JCAD: variants seen among roughly 807,000 people sequenced by gnomAD.
The protein encoded by JCAD is junctional cadherin 5 associated.
A neutral mutation model predicts 98.0 loss-of-function variants in JCAD; 40 were observed. That is an observed-to-expected ratio of 0.41 (90% CI 0.32 to 0.53). The LOEUF (loss-of-function observed/expected upper bound fraction) is 0.53, where lower values mean the gene tolerates loss of function less well. JCAD is among the 20% of genes least tolerant of loss of function. The pLI, the probability that JCAD is intolerant of heterozygous loss-of-function variation, is 0.31. For synonymous variants in JCAD, 691 were observed against 682.3 expected (o/e 1.01, Z -0.20); for missense variants, 1,705 against 1,738.1 (o/e 0.98, Z 0.34).
chr10:30,028,284 G>C lies in JCAD; in HGVS notation c.1864C>G (p.Gln622Glu), dbSNP rs754387196. The part of the protein sequence containing the change: ...GSDKSPALQE[Q>E]SLLSMSSTDL... The stretch of plus-strand genomic sequence containing the variant: ...GTGGAAGACATGCTCAGCAGACTCT[G>C]TTCTTGCAGAGCCGGGCTCTTATCA... The change falls in exon 3 of 4, where the codon CAG becomes GAG. Residue 622 changes from glutamine (Q) to glutamate (E), a missense_variant. Gln to Glu is a conservative substitution (Grantham distance 29, BLOSUM62 2). This residue lies in a region of JCAD where 1,278 missense variants were observed against 1,243.1 expected (regional missense o/e 1.03). Transcript: ENST00000375377. The C allele has an allele frequency of 1.9e-6, 3 of 1,614,240 alleles. No homozygotes were observed. The East Asian group carries it at 6.7e-5, about 36-fold the overall frequency.
intron 2 of JCAD, chr10:30,044,656 C>T: frequency 4.8e-6 from 1 of 207,564 alleles, no homozygotes; most frequent in Non-Finnish European, 8.1e-6. Flanking sequence ...TCAGAATTCA[C>T]ATAAGCCATA....
chr10:30,047,804 A>T lies in JCAD; in HGVS notation c.9T>A (p.Ser3Arg), dbSNP rs1214185944. 6.2e-7 allele frequency: 1 copy of T among 1,610,412 alleles called. No homozygotes were observed. Among genetic ancestry groups the T allele is most frequent in the East Asian group, 2.2e-5 (1 of 44,812 alleles). Residue 3 changes from serine to arginine, a missense_variant, in exon 2 of 4, where the codon AGT becomes AGA. This residue lies in a region of JCAD where 152 missense variants were observed against 148.0 expected (regional missense o/e 1.03). Coordinates refer to ENST00000375377, the MANE Select transcript of JCAD (RefSeq NM_020848.4). ...CATGAGAGATCAGGAGGTCTTCTAC[A>T]CTGTACATGATGCCTGGGCTTCAGC... MYSVEDLLISHGY... is the reference protein window; with the variant it reads MYRVEDLLISHGY...
intron 2 of JCAD, among the ~76,000 whole-genome samples, chr10:30,031,928 G>T (rs1198101390): frequency 6.6e-6 from 1 of 150,384 alleles, no homozygotes; most frequent in African/African-American, 2.5e-5. Context: ...CTAATTTTTT[G>T]TATTTTTAGT....
chr10:30,071,200 C>G (rs1255119474), intron 1 of JCAD, among the ~76,000 whole-genome samples: 1 of 152,188 alleles, frequency 6.6e-6, no homozygotes, highest in Non-Finnish European at 1.5e-5. Context: ...CCACCACGCC[C>G]CAGCCTAAAG....
At chr10:30,115,200 C>G (rs189587606) in intron 1 of JCAD, among the ~76,000 whole-genome samples, 373 of 152,318 alleles carry the variant, frequency 2.4e-3, no homozygotes, top group Non-Finnish European at 3.8e-3. Flanking sequence ...AGCTCTCTCT[C>G]CAGGAGATCC....
chr10:30,080,568 C>T (rs1444578932), intron 1 of JCAD, among the ~76,000 whole-genome samples: 1 of 152,200 alleles, frequency 6.6e-6, no homozygotes, highest in African/African-American at 2.4e-5. Context: ...ATTGACAAAC[C>T]TATGTTCAAG....
intron 1 of JCAD, among the ~76,000 whole-genome samples, chr10:30,050,336 A>G (rs12241608): frequency 0.019 from 2,900 of 149,424 alleles, 103 homozygotes; most frequent in African/African-American, 0.069. Context: ...AAAAAAAAAA[A>G]AAAAAAGAAA....
rs751508598 is a variant in JCAD at position 30,029,550 on chromosome 10, A to C, written c.598T>G (p.Ser200Ala). Residue 200 changes from serine to alanine, a missense_variant, in exon 3 of 4, where the codon TCT becomes GCT. Transcript: ENST00000375377. ...NQPRKLGRQM[S>A]DGDGERLFQD... ...AACAGTCTCTCCCCATCTCCATCAG[A>C]CATCTGCCTCCCTAATTTCCTTGGC... is the stretch of plus-strand genomic sequence containing the variant. The C allele has an allele frequency of 1.2e-6, 2 of 1,614,202 alleles. No homozygotes were observed. The highest frequency in any genetic ancestry group is 4.5e-5 in the East Asian group (2 of 44,890).
chr10:30,111,508 T>G (rs1460516729), intron 1 of JCAD, among the ~76,000 whole-genome samples: 2 of 152,166 alleles, frequency 1.3e-5, no homozygotes, highest in African/African-American at 4.8e-5. Flanking sequence ...TGAGATGCAA[T>G]AGTAGACAGA....
upstream of JCAD, among the ~76,000 whole-genome samples, chr10:30,062,954 A>G (rs981635445): frequency 8.5e-5 from 13 of 152,176 alleles, no homozygotes; most frequent in African/African-American, 3.1e-4. Flanking sequence ...GTAGGAAGAT[A>G]ATAAAGATAA....
At chr10:30,048,217 G>A (rs556033519) in intron 1 of JCAD, among the ~76,000 whole-genome samples, 4 of 152,238 alleles carry the variant, frequency 2.6e-5, no homozygotes, top group South Asian at 4.2e-4. Context: ...AACAGCAGGC[G>A]GAAGGAGTGC....
chr10:30,069,200 C>T (rs541202850), intron 2 of JCAD, among the ~76,000 whole-genome samples: 4 of 152,042 alleles, frequency 2.6e-5, no homozygotes, highest in Admixed American at 6.6e-5. Context: ...TGGAAATGGT[C>T]GCTTCGGCTC....
rs1244011700 is a variant in JCAD at position 30,015,917 on chromosome 10, A to AT, written c.*1965dup. 2 of 152,198 alleles carry AT rather than the reference A, an allele frequency of 1.3e-5. No homozygotes were observed. The highest frequency in any genetic ancestry group is 4.8e-5 in the African/African-American group (2 of 41,456). 9.4% of individuals were successfully genotyped at this position (152,198 alleles called of 1,614,324 possible). On this transcript the variant is annotated 3_prime_UTR_variant, in exon 4 of 4. Transcript: ENST00000375377. ...TTGGTACTACCAGGTGACTTCAATG[A>AT]TTCACCAGCTACAACAGTGTCTGAA...
rs1177691710 is a variant in JCAD at position 30,031,750 on chromosome 10, A to ATTT, written c.282-1887_282-1885dup. ...AGCCACTGCGCCCAGCCCCATCTGT[A>ATTT]TTTTTTTTTTTTTTTTTTTTTTGAG... is the stretch of plus-strand genomic sequence containing the variant. On this transcript the variant is annotated intron_variant, in intron 2 of 3. Transcript: ENST00000375377. Among the ~76,000 whole-genome samples, 614 of 63,296 alleles carry ATTT rather than the reference A, an allele frequency of 9.7e-3. 32 individuals are homozygous for ATTT. The highest frequency in any genetic ancestry group is 0.029 in the African/African-American group (419 of 14,268). 41.5% of individuals were successfully genotyped at this position (63,296 alleles called of 152,430 possible). A position where few individuals can be genotyped will look rare whatever the true frequency, so the allele number is the denominator to read the frequency against.
intron 3 of JCAD, among the ~76,000 whole-genome samples, chr10:30,023,472 T>C (rs906388286): frequency 6.6e-6 from 1 of 152,136 alleles, no homozygotes; most frequent in African/African-American, 2.4e-5. Flanking sequence ...GAAGACTAGG[T>C]GTGTAGTAGA....
intron 1 of JCAD, among the ~76,000 whole-genome samples, chr10:30,108,336 C>T (rs540804549): frequency 1.1e-4 from 16 of 150,640 alleles, no homozygotes; most frequent in Non-Finnish European, 1.9e-4. Flanking sequence ...AGAGTGATGG[C>T]GTTATCAGGG....
rs938684918 is a variant in JCAD at position 30,029,824 on chromosome 10, C to T, written c.324G>A (p.Pro108=). 5 of 1,614,116 alleles carry T rather than the reference C, an allele frequency of 3.1e-6. No individual in the cohort carries two copies. The South Asian group carries it at 3.3e-5, about 11-fold the overall frequency. ...QPPSAWSSHP[P]TGNDQAYRRR... ...TCCGGTAGGCTTGGTCGTTACCAGT[C>T]GGGGGATGAGAGGACCATGCTGAGG... The change falls in exon 3 of 4, where the codon CCG becomes CCA. Residue 108 remains proline, a synonymous_variant. Coordinates refer to ENST00000375377, the MANE Select transcript of JCAD (RefSeq NM_020848.4).
At chr10:30,064,664 C>T (rs774664501) in intron 2 of JCAD, among the ~76,000 whole-genome samples, 3 of 151,446 alleles carry the variant, frequency 2.0e-5, no homozygotes, top group Non-Finnish European at 4.4e-5. Flanking sequence ...AAAAACCCCA[C>T]GTTCTCTCTT....
rs545738058 is a variant in JCAD at position 30,014,832 on chromosome 10, C to T, written c.*3051G>A. ...GCAAAAGTTCTACTTAGAATTTCCA[C>T]GTGAATGAAACCCGCAACCTACAAC... On this transcript the variant is annotated 3_prime_UTR_variant, in exon 4 of 4. Transcript: ENST00000375377. 1.3e-5 allele frequency: 2 copies of T among 152,172 alleles called. No individual in the cohort carries two copies. The highest frequency in any genetic ancestry group is 2.9e-5 in the Non-Finnish European group (2 of 68,032). The allele number at this position is 152,172 out of a possible 1,614,324, so 9.4% of individuals were successfully genotyped here.
Sources: gnomAD v4.1 joint callset for allele counts (sites outside exome capture counted in the v4.1 genomes callset) on GRCh38, gnomAD v4.1.1 for gene constraint, gnomAD v4.1.1 regional missense constraint, MANE v1.5 for transcripts, NCBI Gene and HGNC (gene_info 2026-07-23, HGNC 2026-07-21) for gene names.